Variants in ZMYM2 observed in about 807,000 individuals in gnomAD.
ZMYM2 encodes zinc finger MYM-type protein 2.
In ZMYM2, 56 loss-of-function variants were observed where a neutral mutation model predicts 162.8. The observed-to-expected ratio is 0.34, with a 90% confidence interval of 0.28 to 0.43. The LOEUF (loss-of-function observed/expected upper bound fraction) is 0.43, where lower values mean the gene tolerates loss of function less well. ZMYM2 is among the 20% of genes least tolerant of loss of function. The pLI, the probability that ZMYM2 is intolerant of heterozygous loss-of-function variation, is 1.00. For missense variants in ZMYM2, 1,275 were observed against 1,621.8 expected (o/e 0.79, Z 3.67); for synonymous variants, 510 against 541.6 (o/e 0.94, Z 0.81).
At chr13:19,905,204 G>A in the ZMYM2 span, among the ~76,000 whole-genome samples, 1 of 151,966 alleles carries the variant, frequency 6.6e-6, no homozygotes, top group East Asian at 1.9e-4. Flanking sequence ...GTAGAGATGG[G>A]GTTTCACCAA....
intron 12 of ZMYM2, among the ~76,000 whole-genome samples, chr13:20,037,945 C>T (rs1953883387): frequency 6.6e-6 from 1 of 152,112 alleles, no homozygotes; most frequent in Admixed American, 6.5e-5. Context: ...TTTCCCTCCT[C>T]CCACCCTCCA....
At chr13:20,011,894 G>T (rs946785382) in intron 6 of ZMYM2, among the ~76,000 whole-genome samples, 1 of 151,730 alleles carries the variant, frequency 6.6e-6, no homozygotes, top group Non-Finnish European at 1.5e-5. Context: ...GATTACAGGC[G>T]CACACCACCA....
Position 20,082,828 on chromosome 13 carries a change from C to G in ZMYM2, c.3616C>G (p.Gln1206Glu). ...AGAAGACTATCTCTGGAGGATAAAA[C>G]AACTAGGATCACACTCTCCAGTAGC... ...VEEDYLWRIKQLGSHSPVALL... is the reference protein window; with the variant it reads ...VEEDYLWRIKELGSHSPVALL... The change falls in exon 23 of 25, where the codon CAA becomes GAA. Residue 1206 changes from glutamine (Q) to glutamate (E), a missense_variant. By Grantham distance (29) the Gln-to-Glu change is conservative. Around this residue, in one of 10 missense-constraint regions of ZMYM2, gnomAD observed 103 missense variants for 192.2 expected, o/e 0.54. Transcript: ENST00000610343. 1 of 1,613,102 alleles carries G rather than the reference C, an allele frequency of 6.2e-7. No individual in the cohort carries two copies. The highest frequency in any genetic ancestry group is 1.1e-5 in the South Asian group (1 of 90,984).
At chr13:20,046,573 A>ATT in intron 12 of ZMYM2, among the ~76,000 whole-genome samples, 1 of 60,854 alleles carries the variant, frequency 1.6e-5, no homozygotes, top group South Asian at 6.6e-4. Context: ...AAATATATAT[A>ATT]TATATATATG....
intron 18 of ZMYM2, among the ~76,000 whole-genome samples, chr13:20,063,934 A>G (rs1253140991): frequency 5.8e-5 from 1 of 17,224 alleles, no homozygotes; most frequent in Non-Finnish European, 2.5e-4. Flanking sequence ...TATATTATAT[A>G]GTTTTTATAT....
At chr13:19,946,513 CA>C in the ZMYM2 span, among the ~76,000 whole-genome samples, 2 of 152,252 alleles carry the variant, frequency 1.3e-5, no homozygotes, top group African/African-American at 4.8e-5. Flanking sequence ...CGATGGTCCT[CA>C]TCGTTATTCT....
chr13:19,971,344 C>T (rs541328606), intron 2 of ZMYM2, among the ~76,000 whole-genome samples: 3 of 139,274 alleles, frequency 2.2e-5, no homozygotes, highest in African/African-American at 8.1e-5. Context: ...GATCTCGGCT[C>T]ACCACCACCT....
At chr13:19,888,150 A>C in the ZMYM2 span, among the ~76,000 whole-genome samples, 5 of 151,888 alleles carry the variant, frequency 3.3e-5, no homozygotes, top group South Asian at 6.2e-4. Context: ...AAGTGCTGGG[A>C]TTACAGGCAT....
chr13:19,901,490 C>T, the ZMYM2 span, among the ~76,000 whole-genome samples: 5 of 152,218 alleles, frequency 3.3e-5, no homozygotes, highest in East Asian at 7.7e-4. Context: ...GACCTCTCCC[C>T]CACTAACTTT....
chr13:20,086,144 T>G lies in ZMYM2; in HGVS notation c.*130T>G. 2.5e-6 allele frequency: 2 copies of G among 793,230 alleles called. No individual in the cohort carries two copies. Among genetic ancestry groups the G allele is most frequent in the South Asian group, 5.0e-5 (2 of 39,974 alleles). The allele number at this position is 793,230 out of a possible 1,614,324, so 49.1% of individuals were successfully genotyped here. A position where few individuals can be genotyped will look rare whatever the true frequency, so the allele number is the denominator to read the frequency against. On this transcript the variant is annotated 3_prime_UTR_variant, in exon 25 of 25. Coordinates refer to ENST00000610343, the MANE Select transcript of ZMYM2 (RefSeq NM_197968.4). ...TTTGTAGCAGTGTACCCACGCTGGG[T>G]ATTACCATGTAAATAATCTGTGAGT...
the ZMYM2 span, among the ~76,000 whole-genome samples, chr13:19,924,273 T>C: frequency 1.3e-5 from 2 of 152,144 alleles, no homozygotes; most frequent in African/African-American, 2.4e-5. Context: ...TCATAGTAGT[T>C]GTCTTTTCCG....
chr13:19,879,233 C>T, the ZMYM2 span, among the ~76,000 whole-genome samples: 2 of 152,102 alleles, frequency 1.3e-5, no homozygotes, highest in Non-Finnish European at 2.9e-5. Context: ...CAGTATCATT[C>T]GTTGAAAAGA....
At chr13:19,975,341 C>T (rs755907768) in intron 2 of ZMYM2, among the ~76,000 whole-genome samples, 12 of 152,180 alleles carry the variant, frequency 7.9e-5, no homozygotes, top group Non-Finnish European at 1.0e-4. Flanking sequence ...CATTAGCATT[C>T]CTTGTCTCCC....
At chr13:20,030,652 C>A (rs1295560477) in intron 9 of ZMYM2, among the ~76,000 whole-genome samples, 1 of 152,184 alleles carries the variant, frequency 6.6e-6, no homozygotes, top group Non-Finnish European at 1.5e-5. Flanking sequence ...CCCGCCTTGG[C>A]CTCCCAAAGT....
chr13:19,889,621 T>G, the ZMYM2 span, among the ~76,000 whole-genome samples: 3 of 152,002 alleles, frequency 2.0e-5, no homozygotes, highest in South Asian at 6.2e-4. Context: ...AATTTTTACG[T>G]CTGGTGCCCT....
intron 11 of ZMYM2, among the ~76,000 whole-genome samples, chr13:20,035,465 A>G (rs1217793517): frequency 1.3e-5 from 2 of 152,196 alleles, no homozygotes; most frequent in Admixed American, 6.5e-5. Flanking sequence ...AAATCTTACA[A>G]TGTTTCATTG....
the ZMYM2 span, among the ~76,000 whole-genome samples, chr13:19,878,912 T>C: frequency 2.6e-5 from 4 of 152,228 alleles, no homozygotes; most frequent in African/African-American, 9.6e-5. Context: ...ATATGTGTTT[T>C]ACAAATATTT....
intron 9 of ZMYM2, among the ~76,000 whole-genome samples, chr13:20,029,576 G>T (rs1200570226): frequency 2.0e-5 from 3 of 152,014 alleles, no homozygotes; most frequent in African/African-American, 4.8e-5. Context: ...ACTTAGTGTT[G>T]TACAGTGTAT....
At chr13:20,000,203 G>A (rs956287229) in intron 3 of ZMYM2, among the ~76,000 whole-genome samples, 7 of 152,124 alleles carry the variant, frequency 4.6e-5, no homozygotes, top group African/African-American at 1.4e-4. Context: ...AGAGTTAGGC[G>A]CTAACTCTTT....
Sources: gnomAD v4.1 joint callset for allele counts (sites outside exome capture counted in the v4.1 genomes callset) on GRCh38, gnomAD v4.1.1 for gene constraint, gnomAD v4.1.1 regional missense constraint, MANE v1.5 for transcripts, NCBI Gene and HGNC (gene_info 2026-07-23, HGNC 2026-07-21) for gene names.